Variants in TRPM6 observed in about 807,000 individuals in gnomAD.
TRPM6 encodes the protein transient receptor potential cation channel subfamily M member 6, also known as channel kinase 2.
A neutral mutation model predicts 247.6 loss-of-function variants in TRPM6; 111 were observed. The observed-to-expected ratio is 0.45, with a 90% CI of 0.38 to 0.52. The LOEUF (loss-of-function observed/expected upper bound fraction) is 0.52. Ranked by LOEUF, TRPM6 falls within the 20% of genes least tolerant of loss-of-function variation. TRPM6 has a pLI of 0.00. For missense variants in TRPM6, 2,126 were observed against 2,421.5 expected, an observed-to-expected ratio of 0.88 and a Z score of 2.56; for synonymous variants, 892 against 853.8, an observed-to-expected ratio of 1.04 and a Z score of -0.78.
intron 24 of TRPM6, among the ~76,000 whole-genome samples, chr9:74,773,256 T>C (rs978535174): frequency 1.3e-5 from 2 of 152,226 alleles, no homozygotes; most frequent in Non-Finnish European, 2.9e-5. Flanking sequence ...GCTATTACAA[T>C]GACAGTAAAT....
chr9:74,881,798 A>G (rs1388783708), intron 1 of TRPM6, among the ~76,000 whole-genome samples: 2 of 152,240 alleles, frequency 1.3e-5, no homozygotes, highest in Non-Finnish European at 2.9e-5. Context: ...GAAACTGTAC[A>G]AAAGTATTCT....
At chr9:74,727,873 G>A (rs1825384255) in intron 38 of TRPM6, among the ~76,000 whole-genome samples, 1 of 152,030 alleles carries the variant, frequency 6.6e-6, no homozygotes. Flanking sequence ...GAATAGAAAT[G>A]CGGTGGCCAA....
chr9:74,737,372 G>GC, intron 36 of TRPM6: 1 of 1,289,060 alleles, frequency 7.8e-7, no homozygotes, highest in South Asian at 1.2e-5. Flanking sequence ...TGCTCATGAT[G>GC]CCCCAGGACT....
At chr9:74,776,892 A>T (rs951118304) in intron 23 of TRPM6, among the ~76,000 whole-genome samples, 1 of 152,224 alleles carries the variant, frequency 6.6e-6, no homozygotes, top group Non-Finnish European at 1.5e-5. Context: ...ATTTTAGTTT[A>T]TTTAGAGAAA....
At chr9:74,734,165 A>T (rs1170988074) in intron 36 of TRPM6, among the ~76,000 whole-genome samples, 1 of 152,212 alleles carries the variant, frequency 6.6e-6, no homozygotes, top group Non-Finnish European at 1.5e-5. Flanking sequence ...CACTGATGGA[A>T]ATGTTCCAGG....
At chr9:74,792,534 A>C (rs1318907904) in intron 19 of TRPM6, 90 bp downstream of exon 19, 2 of 1,409,602 alleles carry the variant, frequency 1.4e-6, no homozygotes, top group East Asian at 4.6e-5. Flanking sequence ...TACATTTTTA[A>C]TGCAAAGTGG....
intron 16 of TRPM6, 98 bp from the exon 17 acceptor site, chr9:74,800,580 A>T: frequency 3.6e-6 from 3 of 835,390 alleles, no homozygotes; most frequent in Non-Finnish European, 5.9e-6. Context: ...AAAAGATTGG[A>T]TGTGAGGCTC....
chr9:74,826,906 T>C (rs1829355026), intron 7 of TRPM6: 1 of 152,172 alleles, frequency 6.6e-6, no homozygotes, highest in South Asian at 2.1e-4. Flanking sequence ...ACCTGGCTAA[T>C]TTTTGTATTT....
chr9:74,875,792 G>A (rs550548062), intron 1 of TRPM6, among the ~76,000 whole-genome samples: 36 of 152,238 alleles, frequency 2.4e-4, no homozygotes, highest in African/African-American at 4.1e-4. Context: ...GCTAAAATAC[G>A]TTTTCTTTTG....
At chr9:74,824,667 T>A (rs570204039) in intron 7 of TRPM6, among the ~76,000 whole-genome samples, 17 of 152,192 alleles carry the variant, frequency 1.1e-4, no homozygotes, top group African/African-American at 3.9e-4. Context: ...GAATACAATA[T>A]TAGACCTCCA....
At position 74,738,544 on chromosome 9, in the gene TRPM6, G is replaced by A; in HGVS notation, c.5639C>T (p.Thr1880Ile). 6.2e-7 allele frequency: 1 copy of A among 1,614,082 alleles called. No individual in the cohort carries two copies. Among genetic ancestry groups the A allele is most frequent in the Non-Finnish European group, 8.5e-7 (1 of 1,179,988 alleles). ...NQWLTIEKYM[T>I]GEFRKYNNNN... ...GTTGTTATACTTCCGGAACTCCCCT[G>A]TCATATACTTCTCAATGGTCAACCA... Residue 1880 changes from threonine to isoleucine, a missense_variant, in exon 36 of 39, where the codon ACA becomes ATA. Transcript: ENST00000360774.
rs1316238007 is a variant in TRPM6 at position 74,853,209 on chromosome 9, G to T, written c.152+2318C>A. Reference sequence around the variant, plus strand: ...CGTCTGAGAAGTGAGAAGCCCCTCCGCCCGGCAGCCGCCCCATCGGGGAAG... The same window carrying T: ...CGTCTGAGAAGTGAGAAGCCCCTCCTCCCGGCAGCCGCCCCATCGGGGAAG... On this transcript the variant is annotated intron_variant, in intron 3 of 38. Coordinates refer to ENST00000360774, the MANE Select transcript of TRPM6 (RefSeq NM_017662.5). Among the ~76,000 whole-genome samples the T allele has an allele frequency of 2.0e-5, 3 of 150,456 alleles. No individual in the cohort carries two copies. The East Asian group carries it at 5.9e-4, about 30-fold the overall frequency.
chr9:74,791,692 C>A (rs930873566), intron 19 of TRPM6, among the ~76,000 whole-genome samples: 19 of 152,278 alleles, frequency 1.2e-4, no homozygotes, highest in Middle Eastern at 3.4e-3. Flanking sequence ...GGCAAAAAAA[C>A]CAAACACTTG....
chr9:74,808,226 T>C (rs777076130), intron 13 of TRPM6, 52 bp from the exon 14 acceptor site: 1 of 1,609,036 alleles, frequency 6.2e-7, no homozygotes, highest in Non-Finnish European at 8.5e-7. Flanking sequence ...TTCTTTCATT[T>C]CTCTTGCCAT....
In TRPM6 at chr9:74,724,132, T is replaced by C. The variant is rs1035679768; in HGVS notation, c.*481A>G. 6 of 191,626 alleles carry C rather than the reference T, an allele frequency of 3.1e-5. No individual in the cohort carries two copies. Among genetic ancestry groups the C allele is most frequent in the East Asian group, 1.2e-4 (1 of 8,020 alleles). 11.9% of individuals were successfully genotyped at this position (191,626 alleles called of 1,614,324 possible). A position where few individuals can be genotyped will look rare whatever the true frequency, so the allele number is the denominator to read the frequency against. ...TATCATTGCTATTCAAAGTCCTATG[T>C]TGTGGAAAAGACAGAGGAGGAAATC... On this transcript the variant is annotated 3_prime_UTR_variant, in exon 39 of 39. Coordinates refer to ENST00000360774, the MANE Select transcript of TRPM6 (RefSeq NM_017662.5).
At chr9:74,839,855 G>GAGGAAGAAAGGAAGGAAGGAAGGAAGGA (rs1829857684) in intron 5 of TRPM6, among the ~76,000 whole-genome samples, 169 bp downstream of exon 5, 1 of 72,536 alleles carries the variant, frequency 1.4e-5, no homozygotes, top group Non-Finnish European at 2.4e-5. Flanking sequence ...AGAAGAGAGA[G>GAGGAAGAAAGGAAGGAAGGAAGGAAGGA]AGGAAGGAAG....
chr9:74,875,807 A>T (rs930072846), intron 1 of TRPM6, among the ~76,000 whole-genome samples: 1 of 152,228 alleles, frequency 6.6e-6, no homozygotes, highest in Admixed American at 6.5e-5. Context: ...CTTTTGTTTT[A>T]AAATCCCTCT....
chr9:74,740,910 T>C (rs1241113074), intron 33 of TRPM6, among the ~76,000 whole-genome samples: 1 of 152,202 alleles, frequency 6.6e-6, no homozygotes, highest in Admixed American at 6.5e-5. Flanking sequence ...TGAAAATGCA[T>C]GGTTTAACTC....
intron 21 of TRPM6, 126 bp from the exon 22 acceptor site, chr9:74,782,979 C>G: frequency 3.3e-6 from 3 of 901,424 alleles, no homozygotes; most frequent in Non-Finnish European, 5.4e-6. Context: ...ACTAAAACAC[C>G]CTTGTGCAGG....
Sources: gnomAD v4.1 joint callset for allele counts (sites outside exome capture counted in the v4.1 genomes callset) on GRCh38, gnomAD v4.1.1 for gene constraint, MANE v1.5 for transcripts, NCBI Gene and HGNC (gene_info 2026-07-23, HGNC 2026-07-21) for gene names.